GABRG3: variants seen among roughly 807,000 people sequenced by gnomAD.
GABRG3 encodes gamma-aminobutyric acid receptor subunit gamma-3.
In GABRG3, 25 loss-of-function variants were observed where a neutral mutation model predicts 48.8. The observed-to-expected ratio is 0.51, with a 90% CI of 0.37 to 0.72. GABRG3 has a LOEUF of 0.72. Ranked by LOEUF, GABRG3 falls within the 30% of genes least tolerant of loss-of-function variation. GABRG3 has a pLI of 0.00. For synonymous variants in GABRG3, 227 were observed against 217.6 expected, an observed-to-expected ratio of 1.04 and a Z score of -0.38; for missense variants, 394 against 577.9, an observed-to-expected ratio of 0.68 and a Z score of 3.26.
At chr15:27,001,677 T>A (rs1203658497) in intron 2 of GABRG3, among the ~76,000 whole-genome samples, 1 of 152,202 alleles carries the variant, frequency 6.6e-6, no homozygotes, top group Non-Finnish European at 1.5e-5. Context: ...GGTAGAGTCA[T>A]ATTAGCTTTG....
chr15:27,038,900 C>T (rs748059862), intron 3 of GABRG3, among the ~76,000 whole-genome samples: 6 of 152,214 alleles, frequency 3.9e-5, no homozygotes, highest in South Asian at 2.1e-4. Flanking sequence ...TCTCCCCTCC[C>T]GGGTGGAGCC....
At chr15:27,164,689 A>G (rs1241978478) in intron 3 of GABRG3, among the ~76,000 whole-genome samples, 1 of 152,250 alleles carries the variant, frequency 6.6e-6, no homozygotes, top group African/African-American at 2.4e-5. Flanking sequence ...AATGTCCTGC[A>G]TTCTGCAATA....
At chr15:27,300,376 C>G (rs1213474123) in intron 3 of GABRG3, among the ~76,000 whole-genome samples, 1 of 152,002 alleles carries the variant, frequency 6.6e-6, no homozygotes, top group African/African-American at 2.4e-5. Context: ...TTTTTAAAAA[C>G]ATGCAGGCCA....
At chr15:27,530,713 G>C in intron 9 of GABRG3, 1 of 471,028 alleles carries the variant, frequency 2.1e-6, no homozygotes, top group Admixed American at 2.3e-5. Context: ...CCCCGTCTAA[G>C]TCAGAATCTT....
intron 5 of GABRG3, among the ~76,000 whole-genome samples, chr15:27,390,873 G>C (rs1217371001): frequency 6.6e-6 from 1 of 152,092 alleles, no homozygotes; most frequent in Non-Finnish European, 1.5e-5. Flanking sequence ...TGGATCACTT[G>C]AGGTCAGGAG....
chr15:27,458,999 T>C (rs1889370583), intron 5 of GABRG3, among the ~76,000 whole-genome samples: 1 of 152,328 alleles, frequency 6.6e-6, no homozygotes, highest in East Asian at 1.9e-4. Context: ...GCTCGATTCT[T>C]CCAACACCCT....
chr15:27,330,718 C>T (rs1893775186), intron 5 of GABRG3, among the ~76,000 whole-genome samples: 1 of 152,150 alleles, frequency 6.6e-6, no homozygotes, highest in African/African-American at 2.4e-5. Flanking sequence ...ACATAGTACT[C>T]AGGGAAATAC....
At chr15:27,348,422 A>G (rs1169844154) in intron 5 of GABRG3, among the ~76,000 whole-genome samples, 2 of 152,188 alleles carry the variant, frequency 1.3e-5, no homozygotes, top group Non-Finnish European at 2.9e-5. Flanking sequence ...TAAGTGCTAT[A>G]TTCGTGTATT....
intron 3 of GABRG3, among the ~76,000 whole-genome samples, chr15:27,257,889 C>T (rs1201421066): frequency 3.0e-5 from 4 of 135,532 alleles, no homozygotes; most frequent in Non-Finnish European, 6.4e-5. Flanking sequence ...CTCCTGGGCT[C>T]CAGTGATCCT....
At chr15:27,068,207 G>A (rs900974964) in intron 3 of GABRG3, among the ~76,000 whole-genome samples, 5 of 152,226 alleles carry the variant, frequency 3.3e-5, no homozygotes, top group African/African-American at 4.8e-5. Flanking sequence ...AACATCACCC[G>A]AGGAAGGTGC....
chr15:27,045,978 A>G, intron 3 of GABRG3, among the ~76,000 whole-genome samples: 1 of 152,168 alleles, frequency 6.6e-6, no homozygotes, highest in Non-Finnish European at 1.5e-5. Context: ...CCAGAGGAGG[A>G]TGTGGGCAGA....
At chr15:27,170,947 T>C (rs181217812) in intron 3 of GABRG3, among the ~76,000 whole-genome samples, 1 of 152,318 alleles carries the variant, frequency 6.6e-6, no homozygotes, top group East Asian at 1.9e-4. Context: ...AAATATATAA[T>C]TACTACTTTC....
chr15:27,306,113 A>C (rs1480385353), intron 3 of GABRG3, among the ~76,000 whole-genome samples: 2 of 125,474 alleles, frequency 1.6e-5, no homozygotes, highest in Non-Finnish European at 3.2e-5. Context: ...ATAAACATAT[A>C]TAATATAAAC....
At chr15:26,971,701 G>T (rs1894848836) in intron 1 of GABRG3, 113 bp downstream of exon 1, 1 of 1,236,294 alleles carries the variant, frequency 8.1e-7, no homozygotes, top group Non-Finnish European at 1.1e-6. Flanking sequence ...GCTGCGGCAC[G>T]GCGGGCCGGG....
chr15:27,435,225 A>G (rs893386020), intron 5 of GABRG3, among the ~76,000 whole-genome samples: 3 of 149,784 alleles, frequency 2.0e-5, no homozygotes, highest in South Asian at 2.1e-4. Context: ...AAATTATATT[A>G]TACTATTTTA....
At chr15:27,088,974 A>G (rs914480653) in intron 3 of GABRG3, among the ~76,000 whole-genome samples, 3 of 152,082 alleles carry the variant, frequency 2.0e-5, no homozygotes, top group Non-Finnish European at 4.4e-5. Context: ...TTGAAGCCCG[A>G]TGAACACGGG....
intron 3 of GABRG3, among the ~76,000 whole-genome samples, chr15:27,116,667 A>G (rs148960751): frequency 1.4e-3 from 220 of 152,338 alleles, no homozygotes; most frequent in Non-Finnish European, 1.9e-3. Flanking sequence ...TTAATCTCCA[A>G]TGCAATAGTA....
At chr15:27,494,629 G>A (rs925116778) in intron 6 of GABRG3, among the ~76,000 whole-genome samples, 1 of 152,146 alleles carries the variant, frequency 6.6e-6, no homozygotes, top group Non-Finnish European at 1.5e-5. Flanking sequence ...TTATGTTTGA[G>A]AAGTTGTTAC....
chr15:26,983,135 C>A (rs929323379), intron 2 of GABRG3, among the ~76,000 whole-genome samples: 4 of 149,430 alleles, frequency 2.7e-5, no homozygotes, highest in Non-Finnish European at 5.9e-5. Flanking sequence ...ATCTGAATCC[C>A]TTTTCTTTTC....
Sources: gnomAD v4.1 joint callset for allele counts (sites outside exome capture counted in the v4.1 genomes callset) on GRCh38, gnomAD v4.1.1 for gene constraint, MANE v1.5 for transcripts, NCBI Gene and HGNC (gene_info 2026-07-23, HGNC 2026-07-21) for gene names.